The following CDH23 variants were observed in gnomAD, a reference collection of about 807,000 sequenced individuals.
CDH23 encodes cadherin-23.
Under a neutral mutation model 317.1 loss-of-function variants are expected in CDH23, and 189 were observed. The ratio of observed to expected loss-of-function variants is 0.60; its 90% CI spans 0.53 to 0.67. The LOEUF (loss-of-function observed/expected upper bound fraction) is 0.67. CDH23 is among the 30% of genes least tolerant of loss of function. The pLI, the probability that CDH23 is intolerant of heterozygous loss-of-function variation, is 0.00. For synonymous variants in CDH23, 1,839 were observed against 1,876.8 expected, an observed-to-expected ratio of 0.98 and a Z score of 0.52; for missense variants, 4,401 against 4,592.4, an observed-to-expected ratio of 0.96 and a Z score of 1.20.
At chr10:71,666,202 C>G (rs539972462) in intron 14 of CDH23, among the ~76,000 whole-genome samples, 2 of 152,184 alleles carry the variant, frequency 1.3e-5, no homozygotes, top group East Asian at 3.9e-4. Flanking sequence ...GCCCAGCCCC[C>G]CTTCCCAGTA....
chr10:71,649,173 T>C (rs1391272538), intron 14 of CDH23, among the ~76,000 whole-genome samples: 1 of 151,932 alleles, frequency 6.6e-6, no homozygotes. Flanking sequence ...CCTGCCCTGC[T>C]CTTGGCCTCC....
chr10:71,565,627 T>C (rs934018475), intron 6 of CDH23, among the ~76,000 whole-genome samples: 1 of 152,182 alleles, frequency 6.6e-6, no homozygotes, highest in African/African-American at 2.4e-5. Flanking sequence ...GAAGGTGCCC[T>C]TGTCTGTGCC....
intron 34 of CDH23, among the ~76,000 whole-genome samples, chr10:71,735,551 C>T (rs1416651905): frequency 6.6e-6 from 1 of 152,164 alleles, no homozygotes; most frequent in Non-Finnish European, 1.5e-5. Context: ...GTCACATCAG[C>T]TACCATCTAG....
chr10:71,594,073 G>A (rs545507983), intron 9 of CDH23, among the ~76,000 whole-genome samples: 2 of 152,240 alleles, frequency 1.3e-5, no homozygotes, highest in African/African-American at 4.8e-5. Context: ...CAGCCTGGGC[G>A]ATAGAGTGAA....
At chr10:71,477,816 C>A (rs746127159) in intron 3 of CDH23, among the ~76,000 whole-genome samples, 2 of 152,152 alleles carry the variant, frequency 1.3e-5, no homozygotes, top group Non-Finnish European at 2.9e-5. Context: ...TGAAATGTCG[C>A]TCACACTGCC....
At chr10:71,470,892 G>A (rs1851473495) in intron 3 of CDH23, among the ~76,000 whole-genome samples, 1 of 152,142 alleles carries the variant, frequency 6.6e-6, no homozygotes, top group Non-Finnish European at 1.5e-5. Context: ...ATCTTTTCAT[G>A]TACAAATTTA....
chr10:71,404,445 G>A (rs750397221), intron 1 of CDH23, among the ~76,000 whole-genome samples: 1 of 152,174 alleles, frequency 6.6e-6, no homozygotes, highest in Non-Finnish European at 1.5e-5. Context: ...ATTCATTTCC[G>A]ATACCCCCTT....
intron 19 of CDH23, among the ~76,000 whole-genome samples, chr10:71,689,171 G>T (rs559369749): frequency 2.8e-5 from 4 of 145,320 alleles, no homozygotes; most frequent in African/African-American, 1.0e-4. Flanking sequence ...GTGGAGTCAG[G>T]GGTGGTAGAG....
At chr10:71,495,322 C>T (rs188200983) in intron 3 of CDH23, among the ~76,000 whole-genome samples, 2 of 152,194 alleles carry the variant, frequency 1.3e-5, no homozygotes, top group South Asian at 2.1e-4. Context: ...ACCTCCTTCG[C>T]GGCAGGAGGG....
intron 3 of CDH23, among the ~76,000 whole-genome samples, chr10:71,470,473 A>G (rs1030125308): frequency 2.0e-5 from 3 of 150,902 alleles, no homozygotes; most frequent in African/African-American, 7.3e-5. Flanking sequence ...AGCAATGTCC[A>G]CTATGGGACG....
chr10:71,489,796 A>C (rs1852551935), intron 3 of CDH23, among the ~76,000 whole-genome samples: 2 of 152,194 alleles, frequency 1.3e-5, no homozygotes, highest in South Asian at 4.1e-4. Context: ...TCTTCACTTA[A>C]GGATTTTAGA....
chr10:71,498,760 G>A (rs948538590), intron 3 of CDH23, among the ~76,000 whole-genome samples: 2 of 152,198 alleles, frequency 1.3e-5, no homozygotes, highest in South Asian at 4.1e-4. Context: ...CCTATGACTG[G>A]TCCTCGCAGC....
chr10:71,578,614 A>G lies in CDH23; in HGVS notation c.832+622A>G, dbSNP rs79213276. Reference sequence around the variant, plus strand: ...ACCCACGCCCCACCCAAAGACTGACAAATGGCAGCTCTGTTCGGCTGTCCC... The same window carrying G: ...ACCCACGCCCCACCCAAAGACTGACGAATGGCAGCTCTGTTCGGCTGTCCC... On this transcript the variant is annotated intron_variant, in intron 9 of 69. Coordinates refer to ENST00000224721, the MANE Select transcript of CDH23 (RefSeq NM_022124.6). Among the ~76,000 whole-genome samples the G allele has an allele frequency of 7.8e-3, 1,181 of 152,276 alleles. 11 individuals are homozygous for G. Among genetic ancestry groups the G allele is most frequent in the African/African-American group, 0.027 (1,116 of 41,560 alleles).
intron 9 of CDH23, among the ~76,000 whole-genome samples, chr10:71,587,335 A>T (rs1232763133): frequency 6.6e-6 from 1 of 152,144 alleles, no homozygotes; most frequent in African/African-American, 2.4e-5. Flanking sequence ...TCCTTTATTC[A>T]TTCATTCATT....
intron 9 of CDH23, among the ~76,000 whole-genome samples, chr10:71,615,031 A>G (rs1236551222): frequency 6.6e-6 from 1 of 152,216 alleles, no homozygotes; most frequent in Non-Finnish European, 1.5e-5. Flanking sequence ...TAAATAAAAA[A>G]TTAGAATAGA....
At chr10:71,783,091 C>T (rs931824412) in intron 41 of CDH23, among the ~76,000 whole-genome samples, 3 of 152,242 alleles carry the variant, frequency 2.0e-5, no homozygotes, top group African/African-American at 7.2e-5. Context: ...ATTCTGGGCC[C>T]TTCCCCCTAA....
At chr10:71,538,704 G>A (rs771788165) in intron 6 of CDH23, among the ~76,000 whole-genome samples, 5 of 152,178 alleles carry the variant, frequency 3.3e-5, no homozygotes, top group Admixed American at 1.3e-4. Context: ...CAACAAACTC[G>A]CAGGAGTTTG....
At chr10:71,433,757 C>G (rs1346270736) in intron 1 of CDH23, among the ~76,000 whole-genome samples, 1 of 79,514 alleles carries the variant, frequency 1.3e-5, no homozygotes, top group Admixed American at 1.3e-4. Flanking sequence ...CAGCCAGATC[C>G]CCACCAGCAG....
At chr10:71,728,815 C>T (rs888082471) in intron 30 of CDH23, among the ~76,000 whole-genome samples, 9 of 152,104 alleles carry the variant, frequency 5.9e-5, no homozygotes, top group South Asian at 4.1e-4. Flanking sequence ...GCAATCCTCC[C>T]GCCTCAGCCT....
Sources: gnomAD v4.1 joint callset for allele counts (sites outside exome capture counted in the v4.1 genomes callset) on GRCh38, gnomAD v4.1.1 for gene constraint, MANE v1.5 for transcripts, NCBI Gene and HGNC (gene_info 2026-07-23, HGNC 2026-07-21) for gene names.